DDX31: variants seen among roughly 807,000 people sequenced by gnomAD.
DDX31 encodes ATP-dependent DNA helicase DDX31.
A neutral mutation model predicts 91.3 loss-of-function variants in DDX31; 70 were observed. That is an observed-to-expected ratio of 0.77 (90% CI 0.63 to 0.94). The LOEUF is 0.94. Among genes scored for constraint, DDX31 ranks in the 40% least tolerant of loss-of-function variants. The probability of loss-of-function intolerance (pLI) is 0.00; values close to 1 mark genes in which losing one functional copy is unlikely to be tolerated. For missense variants in DDX31, 902 were observed against 925.0 expected (o/e 0.98, Z 0.32); for synonymous variants, 362 against 350.6 (o/e 1.03, Z -0.36).
intron 14 of DDX31, among the ~76,000 whole-genome samples, chr9:132,640,957 G>A (rs1833467387): frequency 6.6e-6 from 1 of 152,188 alleles, no homozygotes; most frequent in African/African-American, 2.4e-5. Flanking sequence ...TCCTCAGGAG[G>A]CAAGTATTCC....
At chr9:132,610,066 T>C (rs1047771591) in intron 19 of DDX31, among the ~76,000 whole-genome samples, 1 of 152,164 alleles carries the variant, frequency 6.6e-6, no homozygotes, top group African/African-American at 2.4e-5. Flanking sequence ...ATGGTTTCAT[T>C]CCGCACTCAA....
Position 132,663,182 on chromosome 9 carries a change from G to A in DDX31, c.76-487C>T, listed in dbSNP as rs771168245. On this transcript the variant is annotated intron_variant, in intron 1 of 19. Transcript: ENST00000372159. ...AGGAGAGAGGGGCGAGGGGGAATGC[G>A]CATCTCAGCCCGTGCCCAGGAAGCG... The A allele has an allele frequency of 4.6e-5, 59 of 1,289,250 alleles. 1 individual carries two copies. Among genetic ancestry groups the A allele is most frequent in the African/African-American group, 2.9e-4 (19 of 65,950 alleles). 79.9% of individuals were successfully genotyped at this position (1,289,250 alleles called of 1,614,324 possible). A position where few individuals can be genotyped will look rare whatever the true frequency, so the allele number is the denominator to read the frequency against.
chr9:132,652,168 G>GTT (rs201190664), intron 7 of DDX31, among the ~76,000 whole-genome samples: 2 of 151,166 alleles, frequency 1.3e-5, no homozygotes, highest in African/African-American at 4.9e-5. Flanking sequence ...ATTTCTGTAG[G>GTT]TTTTTTTTTA....
At chr9:132,668,841 T>C (rs1002822117) in intron 1 of DDX31, among the ~76,000 whole-genome samples, 1 of 152,214 alleles carries the variant, frequency 6.6e-6, no homozygotes, top group Non-Finnish European at 1.5e-5. Flanking sequence ...GTGCTGGGAT[T>C]ACAGGCGTGA....
intron 19 of DDX31, among the ~76,000 whole-genome samples, chr9:132,606,564 G>A (rs1280906597): frequency 3.3e-5 from 5 of 152,280 alleles, no homozygotes; most frequent in South Asian, 4.1e-4. Flanking sequence ...AGATGCTCCC[G>A]CTTATTCCCG....
chr9:132,631,557 A>G (rs1832718918), intron 15 of DDX31, among the ~76,000 whole-genome samples: 1 of 152,210 alleles, frequency 6.6e-6, no homozygotes, highest in Non-Finnish European at 1.5e-5. Flanking sequence ...AGAAAAAACA[A>G]AACTAAAACC....
At chr9:132,610,779 G>T (rs934786841) in intron 19 of DDX31, among the ~76,000 whole-genome samples, 1 of 152,060 alleles carries the variant, frequency 6.6e-6, no homozygotes, top group African/African-American at 2.4e-5. Context: ...AGACAATCTC[G>T]TGAAGTAACT....
intron 13 of DDX31, among the ~76,000 whole-genome samples, chr9:132,643,279 G>A (rs922154426): frequency 1.3e-5 from 2 of 152,182 alleles, no homozygotes; most frequent in African/African-American, 4.8e-5. Context: ...AGCCTGAAAC[G>A]GCGCATTCTG....
chr9:132,623,551 C>CAAAAAA, intron 17 of DDX31, among the ~76,000 whole-genome samples: 1 of 66,748 alleles, frequency 1.5e-5, no homozygotes, highest in African/African-American at 5.8e-5. Context: ...GACTCCATCT[C>CAAAAAA]AAAAAAAAAA....
intron 6 of DDX31, among the ~76,000 whole-genome samples, chr9:132,652,861 T>A (rs532661837): frequency 6.6e-6 from 1 of 152,186 alleles, no homozygotes; most frequent in South Asian, 2.1e-4. Context: ...GTAAGAAATG[T>A]CTTTCGTCCT....
At chr9:132,624,166 CAAAAAAAAAAAAAAAAA>C (rs4021852) in intron 17 of DDX31, among the ~76,000 whole-genome samples, 35 of 71,470 alleles carry the variant, frequency 4.9e-4, no homozygotes, top group African/African-American at 1.8e-3. Flanking sequence ...GACTCCGTCT[CAAAAAAAAAAAAAAAAA>C]AAAAAAAAAA....
intron 17 of DDX31, among the ~76,000 whole-genome samples, chr9:132,618,749 A>G (rs1589997918): frequency 6.6e-6 from 1 of 152,364 alleles, no homozygotes; most frequent in Middle Eastern, 3.4e-3. Flanking sequence ...TCCAAGTCCA[A>G]TTCAGACATT....
Position 132,662,661 on chromosome 9 carries a change from G to C in DDX31, c.110C>G (p.Ser37Cys), listed in dbSNP as rs769186399. Residue 37 changes from serine to cysteine, a missense_variant, in exon 2 of 20, where the codon TCC becomes TGC. By Grantham distance (112) the Ser-to-Cys change is moderately radical. Coordinates refer to ENST00000372159, the MANE Select transcript of DDX31 (RefSeq NM_022779.9). ...CCGTTTCGCTGGGGGAGCCTCACTG[G>C]ACGCTTGGTATTTTCTTTTCGTAGC... ...AKATKRKYQA[S>C]SEAPPAKRRN... 4 of 1,614,160 alleles carry C rather than the reference G, an allele frequency of 2.5e-6. No individual in the cohort carries two copies. Among genetic ancestry groups the C allele is most frequent in the Non-Finnish European group, 2.5e-6 (3 of 1,180,040 alleles).
At chr9:132,628,531 A>G (rs1463434719) in intron 16 of DDX31, among the ~76,000 whole-genome samples, 1 of 152,110 alleles carries the variant, frequency 6.6e-6, no homozygotes, top group Admixed American at 6.5e-5. Context: ...TCCCTTCTCA[A>G]TTTTAGCTTT....
At chr9:132,623,645 T>C (rs1253015328) in intron 17 of DDX31, among the ~76,000 whole-genome samples, 1 of 150,830 alleles carries the variant, frequency 6.6e-6, no homozygotes, top group Non-Finnish European at 1.5e-5. Context: ...CCCTGAGGCG[T>C]GCTCTTAGCC....
At chr9:132,609,162 G>T (rs934487433) in intron 19 of DDX31, among the ~76,000 whole-genome samples, 6 of 152,062 alleles carry the variant, frequency 3.9e-5, no homozygotes, top group Non-Finnish European at 7.3e-5. Context: ...AACAGAGAGC[G>T]GCATTGTCAC....
chr9:132,615,531 G>A (rs1202131141), intron 18 of DDX31, among the ~76,000 whole-genome samples: 1 of 151,814 alleles, frequency 6.6e-6, no homozygotes, highest in Non-Finnish European at 1.5e-5. Context: ...CCCACTGAGG[G>A]GAGAAGAATG....
At position 132,609,725 on chromosome 9, in the gene DDX31, G is replaced by A. The variant is rs528327548; in HGVS notation, c.1994+2362C>T. On this transcript the variant is annotated intron_variant, in intron 19 of 19. Transcript: ENST00000372159. The stretch of plus-strand genomic sequence containing the variant: ...CAACCTCTGCCGCCCAGGTTCAAGC[G>A]ATTCTCCTGCCTCAGCCTCCCAAGT... Among the ~76,000 whole-genome samples the A allele has an allele frequency of 5.3e-5, 8 of 152,174 alleles. No homozygotes were observed. In the East Asian group the frequency reaches 5.8e-4, roughly 11 times the overall value.
At chr9:132,596,373 G>T (rs1830433006) in intron 19 of DDX31, among the ~76,000 whole-genome samples, 1 of 152,168 alleles carries the variant, frequency 6.6e-6, no homozygotes, top group South Asian at 2.1e-4. Flanking sequence ...GTTTTCTATT[G>T]CAACATACAG....
Sources: allele counts gnomAD v4.1 joint callset (sites outside exome capture counted in the v4.1 genomes callset), GRCh38; gene constraint gnomAD v4.1.1; transcripts MANE v1.5; gene names NCBI Gene and HGNC (gene_info 2026-07-23, HGNC 2026-07-21).